The following UNC80 variants were observed in gnomAD, a reference collection of about 807,000 sequenced individuals.
UNC80 encodes the protein protein unc-80 homolog.
In UNC80, 164 loss-of-function variants were observed where a neutral mutation model predicts 384.6. That is an observed-to-expected ratio of 0.43 (90% CI 0.38 to 0.49). The LOEUF (loss-of-function observed/expected upper bound fraction) is 0.49, where lower values mean the gene tolerates loss of function less well. Ranked by LOEUF, UNC80 falls within the 20% of genes least tolerant of loss-of-function variation. The pLI, the probability that UNC80 is intolerant of heterozygous loss-of-function variation, is 0.00. For synonymous variants in UNC80, 1,486 were observed against 1,527.8 expected, an observed-to-expected ratio of 0.97 and a Z score of 0.64; for missense variants, 3,330 against 4,143.0, an observed-to-expected ratio of 0.80 and a Z score of 5.39.
intron 24 of UNC80, among the ~76,000 whole-genome samples, chr2:209,879,876 C>T (rs1460580352): frequency 1.3e-5 from 2 of 151,652 alleles, no homozygotes; most frequent in Admixed American, 6.6e-5. Flanking sequence ...CTGAAAAAAA[C>T]GATAGCTTAA....
intron 25 of UNC80, among the ~76,000 whole-genome samples, chr2:209,885,724 A>G (rs1327350926): frequency 1.3e-5 from 2 of 152,226 alleles, no homozygotes; most frequent in East Asian, 3.9e-4. Context: ...CAAAAGGACA[A>G]GAAACAAAAT....
chr2:209,822,231 T>G (rs1574600016), intron 13 of UNC80, among the ~76,000 whole-genome samples: 1 of 152,314 alleles, frequency 6.6e-6, no homozygotes. Flanking sequence ...AACAAACTAT[T>G]GGATTTTAAG....
chr2:209,910,723 T>C (rs2088833115), intron 29 of UNC80, among the ~76,000 whole-genome samples: 1 of 148,064 alleles, frequency 6.8e-6, no homozygotes, highest in South Asian at 2.2e-4. Context: ...TGTAATTTAA[T>C]CAAGAAATAT....
At chr2:209,979,012 G>A (rs1386746220) in intron 59 of UNC80, among the ~76,000 whole-genome samples, 2 of 152,208 alleles carry the variant, frequency 1.3e-5, no homozygotes, top group Admixed American at 1.3e-4. Flanking sequence ...ACTTTGGGAG[G>A]CCGAGGCGGG....
intron 44 of UNC80, among the ~76,000 whole-genome samples, chr2:209,941,871 T>A (rs2091655385): frequency 2.0e-5 from 3 of 152,134 alleles, no homozygotes; most frequent in Admixed American, 6.5e-5. Flanking sequence ...GTGAGGAGCT[T>A]AAGACTAGCT....
rs527827230 is a variant in UNC80, at chr2:209,801,593, G to A, written c.938+7734G>A. On this transcript the variant is annotated intron_variant, in intron 7 of 64. Coordinates refer to ENST00000673920, the MANE Select transcript of UNC80 (RefSeq NM_001371986.1). ...AGATGGGGTTTCACCATGTAGGCCA[G>A]GCTGGTCTTGAACTCCAGACCTTGT... Among the ~76,000 whole-genome samples the A allele has an allele frequency of 3.3e-5, 5 of 150,872 alleles. No individual in the cohort carries two copies. In the South Asian group the frequency reaches 1.0e-3, roughly 32 times the overall value.
intron 4 of UNC80, among the ~76,000 whole-genome samples, chr2:209,780,277 C>T (rs1254001042): frequency 6.6e-6 from 1 of 152,134 alleles, no homozygotes; most frequent in Non-Finnish European, 1.5e-5. Context: ...CAAAATACTA[C>T]ACAGTGATTG....
intron 7 of UNC80, chr2:209,794,684 T>A (rs749353461): frequency 1.3e-5 from 5 of 375,370 alleles, no homozygotes; most frequent in Non-Finnish European, 2.1e-5. Flanking sequence ...TGGGGGCCAG[T>A]CTTTCCCATG....
At position 209,981,544 on chromosome 2, in the gene UNC80, T is replaced by C. The variant is rs893747842; in HGVS notation, c.9119-635T>C. 9.9e-5 allele frequency among the ~76,000 whole-genome samples: 15 copies of C among 152,196 alleles called. 1 individual carries two copies. Among genetic ancestry groups the C allele is most frequent in the Non-Finnish European group, 7.3e-5 (5 of 68,046 alleles). On this transcript the variant is annotated intron_variant, in intron 59 of 64. Transcript: ENST00000673920. ...GTGAGCCAAGATCGCGCCAATGCAC[T>C]CCAGCCTGGGCAACAGAGCGAGCCT...
chr2:209,777,292 G>A lies in UNC80; in HGVS notation c.333G>A (p.Lys111=), dbSNP rs1003162926. The A allele has an allele frequency of 6.2e-7, 1 of 1,605,466 alleles. No individual in the cohort carries two copies. Among genetic ancestry groups the A allele is most frequent in the African/African-American group, 1.3e-5 (1 of 74,422 alleles). Residue 111 remains lysine, a synonymous_variant, in exon 4 of 65, where the codon AAG becomes AAA. Coordinates refer to ENST00000673920, the MANE Select transcript of UNC80 (RefSeq NM_001371986.1). The part of the protein sequence containing the change: ...HQDKLGVAET[K]LLHTLHWMLL... ...ATAAATTGGGTGTTGCTGAGACAAAGCTCCTTCACACTCTACACTGGATGC... is the reference window on the plus strand; with the variant it reads ...ATAAATTGGGTGTTGCTGAGACAAAACTCCTTCACACTCTACACTGGATGC...
chr2:209,973,223 T>TG lies in UNC80; in HGVS notation c.8541dup (p.Arg2848AlafsTer7). On this transcript the variant is annotated frameshift_variant, in exon 56 of 65. Transcript: ENST00000673920. LOFTEE classifies it high-confidence loss of function. The stretch of plus-strand genomic sequence containing the variant: ...ACCCCTGGGGATGCGGGGAAAGACT[T>TG]GCGCAGGGAAGGGCTGGCTGAGTCC... 3.2e-6 allele frequency: 5 copies of TG among 1,551,636 alleles called. No individual in the cohort carries two copies. Among genetic ancestry groups the TG allele is most frequent in the Non-Finnish European group, 4.4e-6 (5 of 1,146,984 alleles).
chr2:209,824,823 T>C (rs6742553), intron 13 of UNC80, among the ~76,000 whole-genome samples: 20,860 of 152,160 alleles, frequency 0.14, 2,738 homozygotes, highest in African/African-American at 0.34. Context: ...TTCCATACCA[T>C]GCGCACATTT....
At chr2:209,865,395 G>A (rs1339199490) in intron 22 of UNC80, among the ~76,000 whole-genome samples, 1 of 152,102 alleles carries the variant, frequency 6.6e-6, no homozygotes, top group African/African-American at 2.4e-5. Flanking sequence ...GAGGTCAGGA[G>A]ATCGAGACCA....
chr2:209,993,623 T>A (rs1282443902), intron 63 of UNC80, among the ~76,000 whole-genome samples, 197 bp downstream of exon 63: 2 of 152,082 alleles, frequency 1.3e-5, no homozygotes, highest in African/African-American at 4.8e-5. Context: ...TGTACCCCCA[T>A]GAACCTATAA....
chr2:209,812,365 G>T (rs1290743430), intron 7 of UNC80, among the ~76,000 whole-genome samples: 2 of 151,820 alleles, frequency 1.3e-5, no homozygotes, highest in African/African-American at 4.8e-5. Context: ...TGGCACCATA[G>T]TTTTTATTCT....
chr2:209,875,151 A>G (rs1008968399), intron 23 of UNC80, among the ~76,000 whole-genome samples: 6 of 152,180 alleles, frequency 3.9e-5, no homozygotes, highest in South Asian at 2.1e-4. Flanking sequence ...TATGACATTC[A>G]TCCTCATCTC....
At chr2:209,888,024 G>A in intron 25 of UNC80, 71 bp from the exon 26 acceptor site, 1 of 1,462,208 alleles carries the variant, frequency 6.8e-7, no homozygotes, top group East Asian at 2.5e-5. Context: ...AAAATGGTGG[G>A]AGGCTTGCCG....
chr2:209,996,058 A>T lies in UNC80; in HGVS notation c.*463A>T, dbSNP rs2093479279. The stretch of plus-strand genomic sequence containing the variant: ...TGGCTATACAAGTAGCAATTTACAT[A>T]AAAAAATAATTAATAGGAAAAATAT... On this transcript the variant is annotated 3_prime_UTR_variant, in exon 65 of 65. Transcript: ENST00000673920. 6.5e-6 allele frequency: 1 copy of T among 154,120 alleles called. No individual in the cohort carries two copies. Among genetic ancestry groups the T allele is most frequent in the Admixed American group, 6.4e-5 (1 of 15,596 alleles). 9.5% of individuals were successfully genotyped at this position (154,120 alleles called of 1,614,324 possible). A position where few individuals can be genotyped will look rare whatever the true frequency, so the allele number is the denominator to read the frequency against.
intron 6 of UNC80, 58 bp from the exon 7 acceptor site, chr2:209,793,662 A>G (rs2077971843): frequency 6.3e-7 from 1 of 1,597,914 alleles, no homozygotes; most frequent in African/African-American, 1.3e-5. Flanking sequence ...TGATATAGCT[A>G]CAGGGGAAAA....
Sources: allele counts gnomAD v4.1 joint callset (sites outside exome capture counted in the v4.1 genomes callset), GRCh38; gene constraint gnomAD v4.1.1; transcripts MANE v1.5; gene names NCBI Gene and HGNC (gene_info 2026-07-23, HGNC 2026-07-21).